Variants in RREB1 observed in about 807,000 individuals in gnomAD.
RREB1 encodes ras-responsive element-binding protein 1.
Under a neutral mutation model 117.8 loss-of-function variants are expected in RREB1, and 27 were observed. That is an observed-to-expected ratio of 0.23 (90% CI 0.17 to 0.32). The LOEUF is 0.32. RREB1 is among the 10% of genes least tolerant of loss of function. RREB1 has a pLI of 1.00. For missense variants in RREB1, 2,577 were observed against 2,378.2 expected (o/e 1.08, Z -1.74); for synonymous variants, 1,298 against 1,026.7 (o/e 1.26, Z -5.05).
In RREB1 at chr6:7,230,386, A is replaced by G. The variant is rs746962880; in HGVS notation, c.2287A>G (p.Lys763Glu). The change falls in exon 10 of 13, where the codon AAG becomes GAG. Residue 763 changes from lysine (K) to glutamate (E), a missense_variant. Coordinates refer to ENST00000379938, the MANE Select transcript of RREB1 (RefSeq NM_001003699.4). The part of the protein sequence containing the change: ...TVCRLCGEDL[K>E]HYRALRIHMR... ...GTGCCGGCTGTGCGGCGAGGACCTC[A>G]AGCACTATCGTGCCCTGCGCATCCA... The G allele has an allele frequency of 5.7e-6, 9 of 1,592,456 alleles. No homozygotes were observed. The highest frequency in any genetic ancestry group is 5.0e-5 in the Admixed American group (3 of 59,582).
At chr6:7,142,210 C>A (rs953263350) in intron 1 of RREB1, among the ~76,000 whole-genome samples, 2 of 146,608 alleles carry the variant, frequency 1.4e-5, no homozygotes, top group Admixed American at 1.3e-4. Flanking sequence ...AGTGAAACTC[C>A]GTCTTAATTT....
At chr6:7,232,944 G>A (rs1461600042) in intron 10 of RREB1, among the ~76,000 whole-genome samples, 1 of 152,034 alleles carries the variant, frequency 6.6e-6, no homozygotes, top group Non-Finnish European at 1.5e-5. Flanking sequence ...ACCCAGGCTG[G>A]AGTGGAGTAG....
rs554718831 is a variant in RREB1, at chr6:7,174,908, C to CTATT, written c.-284-1729_-284-1726dup. 3.9e-4 allele frequency among the ~76,000 whole-genome samples: 60 copies of CTATT among 151,998 alleles called. 1 individual carries two copies. The East Asian group carries it at 6.0e-3, about 15-fold the overall frequency. On this transcript the variant is annotated intron_variant, in intron 1 of 12. Coordinates refer to ENST00000379938, the MANE Select transcript of RREB1 (RefSeq NM_001003699.4). ...ATAGATGTGAGCCACCGCGCCTGGC[C>CTATT]TATTTATTTATTTATTTATTTTAAT... is the stretch of plus-strand genomic sequence containing the variant.
rs773440813 is a variant in RREB1 at position 7,231,532 on chromosome 6, G to T, written c.3433G>T (p.Gly1145Cys). The T allele has an allele frequency of 1.9e-6, 3 of 1,609,334 alleles. No homozygotes were observed. Among genetic ancestry groups the T allele is most frequent in the Non-Finnish European group, 2.5e-6 (3 of 1,178,216 alleles). Reference protein sequence around the residue: ...SPEAASPTEQGPAGTSKKRGR... With the variant: ...SPEAASPTEQCPAGTSKKRGR... ...AGAGGCTGCCTCTCCCACCGAGCAGGGCCCAGCGGGCACGTCGAAGAAGAG... is the reference window on the plus strand; with the variant it reads ...AGAGGCTGCCTCTCCCACCGAGCAGTGCCCAGCGGGCACGTCGAAGAAGAG... Residue 1145 changes from glycine (G) to cysteine (C), a missense_variant, in exon 10 of 13, where the codon GGC (glycine) becomes TGC (cysteine). Transcript: ENST00000379938.
At chr6:7,232,984 T>A (rs1768095836) in intron 10 of RREB1, among the ~76,000 whole-genome samples, 1 of 152,270 alleles carries the variant, frequency 6.6e-6, no homozygotes, top group Non-Finnish European at 1.5e-5. Flanking sequence ...AACCTCTGCC[T>A]CCCTGGTTCA....
At chr6:7,131,618 C>T (rs1379070685) in intron 1 of RREB1, among the ~76,000 whole-genome samples, 1 of 152,186 alleles carries the variant, frequency 6.6e-6, no homozygotes, top group Non-Finnish European at 1.5e-5. Context: ...TTCATCTTTT[C>T]ACTTCTGCAT....
At chr6:7,120,110 C>G (rs11751021) in intron 1 of RREB1, among the ~76,000 whole-genome samples, 5,947 of 144,914 alleles carry the variant, frequency 0.041, 178 homozygotes, top group Middle Eastern at 0.066. Flanking sequence ...CCCCGCCCGC[C>G]TTTTTTAGCT....
In RREB1 at chr6:7,248,722, C is replaced by G. The variant is rs1434101307; in HGVS notation, c.4983C>G (p.Pro1661=). The change falls in exon 13 of 13, where the codon CCC becomes CCG. Residue 1661 remains proline (P), a synonymous_variant. Transcript: ENST00000379938. ...AVSENEAELA[P]NASNHMAVTR... is the part of the protein sequence containing the mutation. ...CAGAGAACGAGGCTGAGCTGGCTCC[C>G]AATGCCAGCAACCACATGGCTGTCA... The G allele has an allele frequency of 1.3e-5, 21 of 1,614,040 alleles. No individual in the cohort carries two copies. In the Admixed American group the frequency reaches 3.3e-4, roughly 26 times the overall value.
At chr6:7,108,542 A>G (rs1760950283) in intron 1 of RREB1, 2 of 152,200 alleles carry the variant, frequency 1.3e-5, no homozygotes, top group African/African-American at 4.8e-5. Context: ...ACCGCCGGCC[A>G]GAAACATCTT....
chr6:7,241,945 CAGCCCACTGGA>C (rs1768728209), intron 11 of RREB1, among the ~76,000 whole-genome samples: 1 of 120,902 alleles, frequency 8.3e-6, no homozygotes, highest in Non-Finnish European at 2.1e-5. Context: ...ACCTGGAGTT[CAGCCCACTGGA>C]AGCGCACACC....
At chr6:7,186,077 A>G (rs1765065657) in intron 4 of RREB1, among the ~76,000 whole-genome samples, 2 of 152,226 alleles carry the variant, frequency 1.3e-5, no homozygotes, top group Admixed American at 6.5e-5. Flanking sequence ...AAATGAATGC[A>G]AGTAAAAAGA....
intron 1 of RREB1, among the ~76,000 whole-genome samples, chr6:7,173,942 C>T (rs1327228971): frequency 6.6e-6 from 1 of 152,126 alleles, no homozygotes; most frequent in Non-Finnish European, 1.5e-5. Context: ...AGCATTGTCC[C>T]GTATCTCCCC....
intron 1 of RREB1, among the ~76,000 whole-genome samples, chr6:7,119,399 A>G (rs1761566430): frequency 1.3e-5 from 2 of 152,284 alleles, no homozygotes; most frequent in Non-Finnish European, 1.5e-5. Flanking sequence ...TCATTTTTAT[A>G]TACACGTGCT....
intron 10 of RREB1, among the ~76,000 whole-genome samples, chr6:7,233,551 A>G (rs2113133352): frequency 6.6e-6 from 1 of 152,366 alleles, no homozygotes; most frequent in East Asian, 1.9e-4. Flanking sequence ...TTTTAGTATA[A>G]GTATTTTTAT....
intron 6 of RREB1, among the ~76,000 whole-genome samples, chr6:7,202,531 G>C (rs1401040660): frequency 1.3e-5 from 2 of 152,216 alleles, no homozygotes; most frequent in East Asian, 1.9e-4. Context: ...GCTTCCCTCA[G>C]AGGGGACAGC....
At chr6:7,212,408 CT>C (rs1416276074) in intron 8 of RREB1, 5 of 152,208 alleles carry the variant, frequency 3.3e-5, no homozygotes, top group African/African-American at 1.2e-4. Context: ...ACTCATCTTT[CT>C]TTCTTTACCT....
intron 8 of RREB1, among the ~76,000 whole-genome samples, chr6:7,225,260 C>T (rs1473451471): frequency 2.0e-5 from 3 of 152,144 alleles, no homozygotes; most frequent in Non-Finnish European, 4.4e-5. Flanking sequence ...GAATGATGCT[C>T]GGTATACAGC....
intron 6 of RREB1, among the ~76,000 whole-genome samples, chr6:7,208,607 A>T (rs4960296): frequency 0.26 from 40,072 of 152,174 alleles, 6,029 homozygotes; most frequent in South Asian, 0.57. Context: ...TGTCTGTCAG[A>T]CTGCCTTGGC....
chr6:7,206,562 T>C (rs1766286802), intron 6 of RREB1, among the ~76,000 whole-genome samples: 1 of 152,218 alleles, frequency 6.6e-6, no homozygotes. Flanking sequence ...GAGAACAACA[T>C]AGACCAGGTT....
Sources: allele counts gnomAD v4.1 joint callset (sites outside exome capture counted in the v4.1 genomes callset), GRCh38; gene constraint gnomAD v4.1.1; transcripts MANE v1.5; gene names NCBI Gene and HGNC (gene_info 2026-07-23, HGNC 2026-07-21).